TRAPPC9: variants seen among roughly 807,000 people sequenced by gnomAD.
The protein encoded by TRAPPC9 is trafficking protein particle complex subunit 9.
TRAPPC9 carries 83 observed loss-of-function variants against 124.0 expected under a neutral mutation model. The ratio of observed to expected loss-of-function variants is 0.67; its 90% CI spans 0.56 to 0.80. The LOEUF (loss-of-function observed/expected upper bound fraction) is 0.80. Ranked by LOEUF, TRAPPC9 falls within the 30% of genes least tolerant of loss-of-function variation. The pLI is 0.00. For missense variants in TRAPPC9, 1,302 were observed against 1,508.3 expected (o/e 0.86, Z 2.27); for synonymous variants, 638 against 617.5 (o/e 1.03, Z -0.49).
At chr8:140,024,169 G>A (rs1225143874) in intron 17 of TRAPPC9, 90 bp from the exon 18 acceptor site, 1 of 1,485,496 alleles carries the variant, frequency 6.7e-7, no homozygotes, top group Non-Finnish European at 9.3e-7. Context: ...CGCTTAGGAA[G>A]AGTCTGAAGA....
intron 17 of TRAPPC9, among the ~76,000 whole-genome samples, chr8:140,093,667 TAAAA>T (rs35712232): frequency 4.4e-5 from 6 of 137,702 alleles, no homozygotes; most frequent in Non-Finnish European, 3.1e-5. Flanking sequence ...GACTTCGTCT[TAAAA>T]AAAAAAAAAA....
intron 14 of TRAPPC9, among the ~76,000 whole-genome samples, chr8:140,283,064 C>G (rs1202148253): frequency 6.6e-6 from 1 of 151,726 alleles, no homozygotes; most frequent in Non-Finnish European, 1.5e-5. Flanking sequence ...ATGGTGAAAC[C>G]CCATCTCTAC....
chr8:140,245,283 G>A (rs934131306), intron 16 of TRAPPC9, among the ~76,000 whole-genome samples: 1 of 152,086 alleles, frequency 6.6e-6, no homozygotes, highest in South Asian at 2.1e-4. Flanking sequence ...CAATGCTGAC[G>A]TCCTCCCTCG....
chr8:139,966,738 C>T (rs907449403), intron 19 of TRAPPC9, among the ~76,000 whole-genome samples: 5 of 152,108 alleles, frequency 3.3e-5, no homozygotes, highest in Admixed American at 6.6e-5. Flanking sequence ...GCTCAATAAA[C>T]CCCAATGAAA....
intron 17 of TRAPPC9, among the ~76,000 whole-genome samples, chr8:140,024,692 C>A (rs948053010): frequency 6.6e-6 from 1 of 151,882 alleles, no homozygotes; most frequent in Non-Finnish European, 1.5e-5. Flanking sequence ...GGATGACAGG[C>A]GTGTGGGATG....
At chr8:140,048,107 CT>C (rs1841737910) in intron 17 of TRAPPC9, among the ~76,000 whole-genome samples, 1 of 152,238 alleles carries the variant, frequency 6.6e-6, no homozygotes, top group Non-Finnish European at 1.5e-5. Context: ...GAAATGCCAT[CT>C]TTGGAGATGG....
intron 8 of TRAPPC9, among the ~76,000 whole-genome samples, chr8:140,367,480 C>T (rs2068149948): frequency 6.6e-6 from 1 of 152,096 alleles, no homozygotes; most frequent in South Asian, 2.1e-4. Context: ...TTTGAAAAGG[C>T]TACATATTGT....
intron 16 of TRAPPC9, among the ~76,000 whole-genome samples, chr8:140,231,956 T>C (rs768038574): frequency 6.6e-6 from 1 of 152,168 alleles, no homozygotes; most frequent in Non-Finnish European, 1.5e-5. Context: ...TAGCAGTTAG[T>C]AGAGACAGGG....
chr8:140,144,538 G>A (rs1348951826), intron 17 of TRAPPC9, among the ~76,000 whole-genome samples: 1 of 152,082 alleles, frequency 6.6e-6, no homozygotes, highest in Non-Finnish European at 1.5e-5. Flanking sequence ...GCCCAGGCTG[G>A]AGTGCAGCAG....
intron 21 of TRAPPC9, among the ~76,000 whole-genome samples, chr8:139,799,813 C>A (rs1823350833): frequency 6.6e-6 from 1 of 152,230 alleles, no homozygotes; most frequent in African/African-American, 2.4e-5. Context: ...TGGGGCTCGT[C>A]CCCCTTTTCA....
chr8:139,801,411 T>C (rs1026574257), intron 21 of TRAPPC9, among the ~76,000 whole-genome samples: 1 of 152,168 alleles, frequency 6.6e-6, no homozygotes, highest in Non-Finnish European at 1.5e-5. Context: ...CAGTGAGTGG[T>C]GCGTGGGTGT....
chr8:140,300,725 G>C (rs2065952271), intron 10 of TRAPPC9, 111 bp from the exon 11 acceptor site: 2 of 1,371,534 alleles, frequency 1.5e-6, no homozygotes, highest in Non-Finnish European at 1.0e-6. Flanking sequence ...TCAGAAGGAA[G>C]ATAAATGGAG....
intron 16 of TRAPPC9, among the ~76,000 whole-genome samples, chr8:140,230,752 G>A (rs1160561869): frequency 6.6e-6 from 1 of 150,930 alleles, no homozygotes; most frequent in Non-Finnish European, 1.5e-5. Context: ...CTCCAGCCTG[G>A]GCAACAAGAG....
chr8:140,322,890 G>A (rs144083873), intron 9 of TRAPPC9, among the ~76,000 whole-genome samples: 52 of 152,282 alleles, frequency 3.4e-4, no homozygotes, highest in African/African-American at 1.0e-3. Context: ...GCATGATATC[G>A]TAAAATATCT....
intron 8 of TRAPPC9, 135 bp from the exon 9 acceptor site, chr8:140,360,328 T>G: frequency 8.6e-7 from 1 of 1,166,602 alleles, no homozygotes. Flanking sequence ...CAAAAAATAT[T>G]TCCTCTGCTT....
chr8:140,159,150 A>G (rs559848543), intron 17 of TRAPPC9, among the ~76,000 whole-genome samples: 33 of 152,332 alleles, frequency 2.2e-4, no homozygotes, highest in Non-Finnish European at 4.0e-4. Context: ...CGCCGCCGCC[A>G]AGCCTGCAAG....
At chr8:140,174,810 A>C (rs943780997) in intron 17 of TRAPPC9, among the ~76,000 whole-genome samples, 2 of 152,138 alleles carry the variant, frequency 1.3e-5, no homozygotes, top group African/African-American at 4.8e-5. Context: ...TTATCCATTC[A>C]CCAGCTGACG....
At chr8:140,384,440 G>A (rs2068699213) in intron 7 of TRAPPC9, among the ~76,000 whole-genome samples, 1 of 152,120 alleles carries the variant, frequency 6.6e-6, no homozygotes, top group Non-Finnish European at 1.5e-5. Flanking sequence ...GACACACATA[G>A]GCTCAAAATA....
chr8:140,390,389 G>A (rs903488069), intron 7 of TRAPPC9, among the ~76,000 whole-genome samples: 1 of 152,228 alleles, frequency 6.6e-6, no homozygotes, highest in Non-Finnish European at 1.5e-5. Context: ...TCCCCAGGCA[G>A]GAAGCTGTGA....
Sources: gnomAD v4.1 joint callset for allele counts (sites outside exome capture counted in the v4.1 genomes callset) on GRCh38, gnomAD v4.1.1 for gene constraint, MANE v1.5 for transcripts, NCBI Gene and HGNC (gene_info 2026-07-23, HGNC 2026-07-21) for gene names.